OR5H15: variants seen among roughly 807,000 people sequenced by gnomAD.
OR5H15 encodes olfactory receptor 5H15.
For synonymous variants in OR5H15, 153 were observed against 129.1 expected (o/e 1.19, Z -1.26); for missense variants, 405 against 366.1 (o/e 1.11, Z -0.87).
At position 98,169,488 on chromosome 3, in the gene OR5H15, A is replaced by G. The variant is rs1038487178; in HGVS notation, c.789A>G (p.Ala263=). The G allele has an allele frequency of 6.2e-6, 10 of 1,613,542 alleles. No individual in the cohort carries two copies. The highest frequency in any genetic ancestry group is 1.7e-5 in the Admixed American group (1 of 59,914). ...TTCTCTTAATGTATGTGGGCCCTGC[A>G]TCTCCGCAAGCAGATGGTCAAAATA... ...GPLLLMYVGP[A]SPQADGQNMV... Residue 263 remains alanine, a synonymous_variant, in exon 2 of 2, where the codon GCA becomes GCG. Transcript: ENST00000641450.
intron 1 of OR5H15, among the ~76,000 whole-genome samples, chr3:98,167,081 T>C (rs950516294): frequency 3.3e-5 from 5 of 152,152 alleles, no homozygotes; most frequent in African/African-American, 1.2e-4. Flanking sequence ...TGACTTTGTA[T>C]GAACTAGGGC....
In OR5H15 at chr3:98,169,432, C is replaced by G; in HGVS notation, c.733C>G (p.Leu245Val). Residue 245 changes from leucine (L) to valine (V), a missense_variant, in exon 2 of 2, where the codon CTC becomes GTC. Physicochemically the swap from Leu to Val is conservative, Grantham distance 32. Transcript: ENST00000641450. ...AGCCTTTTCCACCTGTGGAGCCCAT[C>G]TCTTCTCTGTCTGTTTATACTATGG... is the stretch of plus-strand genomic sequence containing the variant. ...RKAFSTCGAH[L>V]FSVCLYYGPL... 2 of 1,613,592 alleles carry G rather than the reference C, an allele frequency of 1.2e-6. No homozygotes were observed. The highest frequency in any genetic ancestry group is 8.5e-7 in the Non-Finnish European group (1 of 1,179,712).
intron 1 of OR5H15, among the ~76,000 whole-genome samples, chr3:98,168,430 C>T (rs1342824677): frequency 2.0e-5 from 3 of 152,032 alleles, no homozygotes; most frequent in African/African-American, 2.4e-5. Context: ...TCAATAGTGT[C>T]CATATAAATG....
At position 98,169,594 on chromosome 3, in the gene OR5H15, G is replaced by C. The variant is rs72487748; in HGVS notation, c.895G>C (p.Val299Leu). Residue 299 changes from valine (V) to leucine (L), a missense_variant, in exon 2 of 2, where the codon GTT (valine) becomes CTT (leucine). By Grantham distance (32) the Val-to-Leu change is conservative. Coordinates refer to ENST00000641450, the MANE Select transcript of OR5H15 (RefSeq NM_001005515.2). ...IYSLRNKQVI[V>L]SFIKMLKRNV... Reference sequence around the variant, plus strand: ...CAGTCTGAGAAATAAGCAAGTCATAGTTTCATTCATAAAAATGTTAAAAAG... The same window carrying C: ...CAGTCTGAGAAATAAGCAAGTCATACTTTCATTCATAAAAATGTTAAAAAG... The C allele has an allele frequency of 0.022, 34,551 of 1,605,188 alleles. 597 individuals carry two copies. Among genetic ancestry groups the C allele is most frequent in the East Asian group, 0.092 (4,093 of 44,722 alleles).
chr3:98,167,618 C>T (rs1576113644), intron 1 of OR5H15, among the ~76,000 whole-genome samples: 1 of 151,980 alleles, frequency 6.6e-6, no homozygotes, highest in Non-Finnish European at 1.5e-5. Flanking sequence ...TTAATATAAC[C>T]TGCTCGAGTT....
chr3:98,169,399 G>T lies in OR5H15; in HGVS notation c.700G>T (p.Val234Leu). ...CTTAGAAAAGAAATCTGATAAGGGT[G>T]TAAGGAAAGCCTTTTCCACCTGTGG... is the stretch of plus-strand genomic sequence containing the variant. ...TVLEKKSDKG[V>L]RKAFSTCGAH... Residue 234 changes from valine to leucine, a missense_variant, in exon 2 of 2, where the codon GTA becomes TTA. Coordinates refer to ENST00000641450, the MANE Select transcript of OR5H15 (RefSeq NM_001005515.2). 5.0e-6 allele frequency: 8 copies of T among 1,613,458 alleles called. No homozygotes were observed. Among genetic ancestry groups the T allele is most frequent in the Non-Finnish European group, 5.9e-6 (7 of 1,179,634 alleles).
intron 1 of OR5H15, among the ~76,000 whole-genome samples, chr3:98,167,688 C>T (rs1708739427): frequency 1.3e-5 from 2 of 152,010 alleles, no homozygotes; most frequent in African/African-American, 4.8e-5. Context: ...TCATTTTTAA[C>T]TATGCCTTTG....
Position 98,167,813 on chromosome 3 carries a change from C to T in OR5H15, c.-18-869C>T, listed in dbSNP as rs141770145. ...TCACTCCAAAAACTTGTCAGCACAC[C>T]TGAGTTCTCAATGTTTAATGTCCAT... On this transcript the variant is annotated intron_variant, in intron 1 of 1. Coordinates refer to ENST00000641450, the MANE Select transcript of OR5H15 (RefSeq NM_001005515.2). Among the ~76,000 whole-genome samples, 13 of 152,142 alleles carry T rather than the reference C, an allele frequency of 8.5e-5. No homozygotes were observed. In the East Asian group the frequency reaches 2.5e-3, roughly 29 times the overall value.
intron 1 of OR5H15, among the ~76,000 whole-genome samples, chr3:98,167,305 A>G (rs1290757846): frequency 6.6e-6 from 1 of 152,118 alleles, no homozygotes; most frequent in Non-Finnish European, 1.5e-5. Context: ...ATATGAATAA[A>G]GGTTGCATTA....
chr3:98,167,617 C>A (rs561862658), intron 1 of OR5H15, among the ~76,000 whole-genome samples: 2 of 152,090 alleles, frequency 1.3e-5, no homozygotes, highest in African/African-American at 4.8e-5. Context: ...TTTAATATAA[C>A]CTGCTCGAGT....
At position 98,169,629 on chromosome 3, in the gene OR5H15, G is replaced by C; in HGVS notation, c.930G>C (p.Lys310Asn). ...TAAAAATGTTAAAAAGAAATGTTAAGGTTTCATACTAATATCCTTTTTCTA... is the reference window on the plus strand; with the variant it reads ...TAAAAATGTTAAAAAGAAATGTTAACGTTTCATACTAATATCCTTTTTCTA... ...SFIKMLKRNV[K>N]VSY is the part of the protein sequence containing the mutation. The change falls in exon 2 of 2, where the codon AAG (lysine) becomes AAC (asparagine). Residue 310 changes from lysine to asparagine, a missense_variant. Physicochemically the swap from Lys to Asn is moderately conservative, Grantham distance 94. Coordinates refer to ENST00000641450, the MANE Select transcript of OR5H15 (RefSeq NM_001005515.2). 6.3e-7 allele frequency: 1 copy of C among 1,583,190 alleles called. No homozygotes were observed. Among genetic ancestry groups the C allele is most frequent in the Non-Finnish European group, 8.6e-7 (1 of 1,156,086 alleles).
rs143003334 is a variant in OR5H15 at position 98,169,113 on chromosome 3, T to C, written c.414T>C (p.Asn138=). The C allele has an allele frequency of 0.014, 23,066 of 1,611,890 alleles. 199 individuals are homozygous for C. Among genetic ancestry groups the C allele is most frequent in the Non-Finnish European group, 0.016 (19,278 of 1,179,596 alleles). Residue 138 remains asparagine, a synonymous_variant, in exon 2 of 2, where the codon AAT becomes AAC. Coordinates refer to ENST00000641450, the MANE Select transcript of OR5H15 (RefSeq NM_001005515.2). ...TACTTTATCCAGCCATTATGACCAATGGACTGTGCATCCGGCTATTAATCT... is the reference window on the plus strand; with the variant it reads ...TACTTTATCCAGCCATTATGACCAACGGACTGTGCATCCGGCTATTAATCT... The part of the protein sequence containing the change: ...KPLLYPAIMT[N]GLCIRLLILS...
In OR5H15 at chr3:98,169,448, T is replaced by A. The variant is rs1708775683; in HGVS notation, c.749T>A (p.Leu250Ter). Residue 250 changes from leucine (L) to a stop codon, truncating the protein, a stop_gained, in exon 2 of 2, where the codon TTA becomes TAA. Coordinates refer to ENST00000641450, the MANE Select transcript of OR5H15 (RefSeq NM_001005515.2). LOFTEE classifies it low-confidence loss of function (END_TRUNC). ...GGAGCCCATCTCTTCTCTGTCTGTT[T>A]ATACTATGGCCCCCTTCTCTTAATG... ...TCGAHLFSVC[L>*]YYGPLLLMYV... The A allele has an allele frequency of 1.2e-6, 2 of 1,613,498 alleles. No individual in the cohort carries two copies. The highest frequency in any genetic ancestry group is 1.7e-5 in the Admixed American group (1 of 59,910).
At chr3:98,168,478 C>G (rs1708750982) in intron 1 of OR5H15, among the ~76,000 whole-genome samples, 1 of 152,080 alleles carries the variant, frequency 6.6e-6, no homozygotes, top group Admixed American at 6.6e-5. Context: ...TTACCTAAAT[C>G]AGTTAATTAC....
rs62266801 is a variant in OR5H15, at chr3:98,169,320, G to A, written c.621G>A (p.Gln207=). 2 of 1,612,030 alleles carry A rather than the reference G, an allele frequency of 1.2e-6. No individual in the cohort carries two copies. Among genetic ancestry groups the A allele is most frequent in the Admixed American group, 1.7e-5 (1 of 59,768 alleles). ...LMVFIFSGSI[Q]VFSIVTILIS... ...TTTTTATTTTCTCAGGTTCAATTCA[G>A]GTATTCAGCATTGTGACTATTCTTA... is the stretch of plus-strand genomic sequence containing the variant. The change falls in exon 2 of 2, where the codon CAG becomes CAA. Residue 207 remains glutamine (Q), a synonymous_variant. Transcript: ENST00000641450.
Position 98,168,800 on chromosome 3 carries a change from T to C in OR5H15, c.101T>C (p.Ile34Thr), listed in dbSNP as rs550008586. 36 of 1,613,576 alleles carry C rather than the reference T, an allele frequency of 2.2e-5. No homozygotes were observed. The East Asian group carries it at 8.0e-4, about 36-fold the overall frequency. The change falls in exon 2 of 2, where the codon ATA becomes ACA. Residue 34 changes from isoleucine (I) to threonine (T), a missense_variant. Coordinates refer to ENST00000641450, the MANE Select transcript of OR5H15 (RefSeq NM_001005515.2). ...KIPLFLAFLV[I>T]YLITIMGNLG... ...CCCCTGTTCTTGGCATTCTTGGTAA[T>C]ATATCTCATCACCATCATGGGGAAT...
In OR5H15 at chr3:98,169,305, C is replaced by A; in HGVS notation, c.606C>A (p.Phe202Leu). ...TTAATTTTCTAATGGTTTTTATTTT[C>A]TCAGGTTCAATTCAGGTATTCAGCA... Reference protein sequence around the residue: ...SSINFLMVFIFSGSIQVFSIV... With the variant: ...SSINFLMVFILSGSIQVFSIV... Residue 202 changes from phenylalanine to leucine, a missense_variant, in exon 2 of 2, where the codon TTC becomes TTA. Transcript: ENST00000641450. 1 of 1,611,232 alleles carries A rather than the reference C, an allele frequency of 6.2e-7. No homozygotes were observed. The highest frequency in any genetic ancestry group is 1.3e-5 in the African/African-American group (1 of 74,846).
At chr3:98,167,427 C>T (rs1708735891) in intron 1 of OR5H15, among the ~76,000 whole-genome samples, 1 of 151,690 alleles carries the variant, frequency 6.6e-6, no homozygotes, top group Non-Finnish European at 1.5e-5. Flanking sequence ...CAGTGTGTTT[C>T]ACTGGCCATC....
Position 98,169,050 on chromosome 3 carries a change from A to G in OR5H15, c.351A>G (p.Thr117=), listed in dbSNP as rs148531627. ...CCACAGAATGTTTTCTCTTGGCAAC[A>G]ATGGCATATGATCGCTATGTAGCCA... ...GVTTECFLLA[T]MAYDRYVAIC... is the part of the protein sequence containing the mutation. The change falls in exon 2 of 2, where the codon ACA becomes ACG. Residue 117 remains threonine, a synonymous_variant. Transcript: ENST00000641450. 1.2e-4 allele frequency: 196 copies of G among 1,613,692 alleles called. No homozygotes were observed. The highest frequency in any genetic ancestry group is 7.1e-4 in the African/African-American group (53 of 75,032).
Sources: gnomAD v4.1 joint callset for allele counts (sites outside exome capture counted in the v4.1 genomes callset) on GRCh38, gnomAD v4.1.1 for gene constraint, MANE v1.5 for transcripts, NCBI Gene and HGNC (gene_info 2026-07-23, HGNC 2026-07-21) for gene names.